Variants in RUFY1 observed in about 807,000 individuals in gnomAD.
RUFY1 encodes the protein RUN and FYVE domain-containing protein 1.
A neutral mutation model predicts 94.6 loss-of-function variants in RUFY1; 54 were observed. That is an observed-to-expected ratio of 0.57 (90% CI 0.46 to 0.72). RUFY1 has a LOEUF of 0.72. Among genes scored for constraint, RUFY1 ranks in the 30% least tolerant of loss-of-function variants. RUFY1 has a pLI of 0.00. For missense variants in RUFY1, 883 were observed against 883.9 expected (o/e 1.00, Z 0.01); for synonymous variants, 396 against 347.3 (o/e 1.14, Z -1.56).
intron 7 of RUFY1, among the ~76,000 whole-genome samples, chr5:179,583,237 T>G (rs1764301342): frequency 6.6e-6 from 1 of 150,990 alleles, no homozygotes; most frequent in African/African-American, 2.4e-5. Context: ...GAGGCAGAGG[T>G]TGTGGTGAGC....
chr5:179,553,473 T>C (rs7723230), intron 1 of RUFY1, among the ~76,000 whole-genome samples: 60,462 of 152,010 alleles, frequency 0.4, 12,408 homozygotes, highest in East Asian at 0.69. Flanking sequence ...AATGTCTATA[T>C]ATATATCCCA....
chr5:179,553,244 G>T (rs1011426924), intron 1 of RUFY1, among the ~76,000 whole-genome samples: 5 of 152,174 alleles, frequency 3.3e-5, no homozygotes, highest in African/African-American at 1.2e-4. Flanking sequence ...ACATTAGGCA[G>T]GCAAGTGGGC....
chr5:179,555,553 AGCGCTGATT>A, intron 1 of RUFY1: 1 of 365,004 alleles, frequency 2.7e-6, no homozygotes, highest in Non-Finnish European at 5.4e-6. Flanking sequence ...AGCACCACCC[AGCGCTGATT>A]GCCTGGAACA....
chr5:179,593,968 C>G (rs1480830056), intron 11 of RUFY1, among the ~76,000 whole-genome samples: 1 of 150,590 alleles, frequency 6.6e-6, no homozygotes, highest in Non-Finnish European at 1.5e-5. Context: ...TCTTCTATTT[C>G]AACGATTTAT....
chr5:179,586,210 T>C (rs1356035255), intron 8 of RUFY1: 3 of 429,518 alleles, frequency 7.0e-6, no homozygotes. Flanking sequence ...GCCTCCCTGC[T>C]GCCCCAGAAA....
chr5:179,593,092 T>A (rs1037316935), intron 10 of RUFY1, among the ~76,000 whole-genome samples: 37 of 152,190 alleles, frequency 2.4e-4, no homozygotes, highest in African/African-American at 8.7e-4. Context: ...TTGGTTTGTT[T>A]TTTTCTTTAA....
intron 16 of RUFY1, 99 bp from the exon 17 acceptor site, chr5:179,607,483 C>T (rs1767223182): frequency 3.2e-6 from 3 of 927,186 alleles, no homozygotes; most frequent in Non-Finnish European, 5.3e-6. Context: ...CACTAGGAAA[C>T]AGGTGCTATG....
intron 3 of RUFY1, among the ~76,000 whole-genome samples, chr5:179,566,469 G>C (rs1279268573): frequency 6.6e-6 from 1 of 151,998 alleles, no homozygotes; most frequent in Middle Eastern, 3.2e-3. Context: ...AGCTGGGCGT[G>C]GTGGCAGGTG....
At chr5:179,570,169 T>G (rs201490675) in intron 5 of RUFY1, among the ~76,000 whole-genome samples, 67 of 152,234 alleles carry the variant, frequency 4.4e-4, no homozygotes, top group African/African-American at 1.6e-3. Flanking sequence ...TGAGCCACTG[T>G]GCCTTGCCTG....
intron 5 of RUFY1, among the ~76,000 whole-genome samples, chr5:179,571,504 G>GAA (rs10710528): frequency 8.2e-5 from 11 of 134,454 alleles, no homozygotes; most frequent in Non-Finnish European, 9.7e-5. Flanking sequence ...ACTCTGTCTG[G>GAA]AAAAAAAAAA....
intron 1 of RUFY1, among the ~76,000 whole-genome samples, chr5:179,558,733 C>T (rs769859141): frequency 2.0e-5 from 3 of 152,084 alleles, no homozygotes; most frequent in African/African-American, 7.2e-5. Flanking sequence ...AATTTTTAGT[C>T]CCAGGATGTC....
intron 10 of RUFY1, 28 bp from the exon 11 acceptor site, chr5:179,593,450 A>AAAG: frequency 6.3e-7 from 1 of 1,579,160 alleles, no homozygotes; most frequent in Non-Finnish European, 8.7e-7. Flanking sequence ...TATTTTAATA[A>AAAG]CATTTTCCTT....
chr5:179,588,260 G>T (rs1389922549), intron 8 of RUFY1, among the ~76,000 whole-genome samples: 1 of 152,126 alleles, frequency 6.6e-6, no homozygotes, highest in East Asian at 1.9e-4. Flanking sequence ...AAAGTGAGGA[G>T]TTCAGTGCTT....
chr5:179,576,730 C>A (rs1418829838), intron 5 of RUFY1, among the ~76,000 whole-genome samples: 1 of 152,126 alleles, frequency 6.6e-6, no homozygotes, highest in Non-Finnish European at 1.5e-5. Flanking sequence ...CAGGTCACCA[C>A]TTTAGAGATC....
chr5:179,596,200 A>G, intron 12 of RUFY1: 1 of 322,020 alleles, frequency 3.1e-6, no homozygotes, highest in Non-Finnish European at 5.9e-6. Context: ...TCAGAGAGGA[A>G]ACAAAAGGCA....
rs1181077231 is a variant in RUFY1, at chr5:179,576,966, T to TA, written c.829-106dup. 3.7e-6 allele frequency: 3 copies of TA among 808,950 alleles called. No homozygotes were observed. The African/African-American group carries it at 5.1e-5, about 14-fold the overall frequency. The allele number at this position is 808,950 out of a possible 1,614,324, so 50.1% of individuals were successfully genotyped here. The stretch of plus-strand genomic sequence containing the variant: ...ACTTCATAGAGCTGGCTGACCTAAA[T>TA]AAATGTTCATAGGAAAGAGATAAGA... On this transcript the variant is annotated intron_variant, in intron 5 of 17. Coordinates refer to ENST00000319449, the MANE Select transcript of RUFY1 (RefSeq NM_025158.5).
chr5:179,566,597 C>A (rs985922067), intron 3 of RUFY1, among the ~76,000 whole-genome samples: 5 of 147,978 alleles, frequency 3.4e-5, no homozygotes, highest in South Asian at 4.2e-4. Flanking sequence ...TGCACTCTAA[C>A]CTGGGTGACA....
chr5:179,568,357 T>C (rs750346368), intron 4 of RUFY1, among the ~76,000 whole-genome samples: 2 of 152,238 alleles, frequency 1.3e-5, no homozygotes, highest in Non-Finnish European at 2.9e-5. Context: ...TTCTCTAGAC[T>C]GTGATGATTT....
intron 15 of RUFY1, chr5:179,602,894 T>A (rs1276592516): frequency 6.6e-6 from 1 of 152,232 alleles, no homozygotes; most frequent in African/African-American, 2.4e-5. Context: ...ATGCCTGACA[T>A]AAGCACCATG....
Sources: allele counts gnomAD v4.1 joint callset (sites outside exome capture counted in the v4.1 genomes callset), GRCh38; gene constraint gnomAD v4.1.1; transcripts MANE v1.5; gene names NCBI Gene and HGNC (gene_info 2026-07-23, HGNC 2026-07-21).